Variants in CSMD1 observed in about 807,000 individuals in gnomAD.
CSMD1 encodes CUB and Sushi multiple domains 1.
CSMD1 carries 213 observed loss-of-function variants against 417.5 expected under a neutral mutation model. That is an observed-to-expected ratio of 0.51 (90% confidence interval 0.46 to 0.57). CSMD1 has a LOEUF of 0.57. Among genes scored for constraint, CSMD1 ranks in the 20% least tolerant of loss-of-function variants. The probability of loss-of-function intolerance (pLI) is 0.00; values close to 1 mark genes in which losing one functional copy is unlikely to be tolerated. For synonymous variants in CSMD1, 2,862 were observed against 1,736.8 expected (o/e 1.65, Z -16.11); for missense variants, 6,923 against 4,529.7 (o/e 1.53, Z -15.17).
intron 5 of CSMD1, among the ~76,000 whole-genome samples, chr8:3,946,390 G>A (rs566603478): frequency 2.0e-4 from 31 of 152,090 alleles, no homozygotes; most frequent in Middle Eastern, 3.4e-3. Flanking sequence ...GGATTTTCTC[G>A]TCTATACCAT....
intron 5 of CSMD1, among the ~76,000 whole-genome samples, chr8:3,854,360 T>C (rs1804143187): frequency 6.6e-6 from 1 of 152,014 alleles, no homozygotes; most frequent in Non-Finnish European, 1.5e-5. Context: ...CTTTTCCTTT[T>C]GATTTTAAGA....
intron 63 of CSMD1, 23 bp downstream of exon 63, chr8:2,957,673 G>C (rs1171138635): frequency 4.3e-6 from 6 of 1,387,318 alleles, no homozygotes; most frequent in African/African-American, 1.4e-5. Flanking sequence ...ACTTGTGATG[G>C]GGGTGGAAGA....
At chr8:4,007,934 G>A (rs553149018) in intron 4 of CSMD1, among the ~76,000 whole-genome samples, 19 of 152,242 alleles carry the variant, frequency 1.2e-4, no homozygotes, top group Non-Finnish European at 2.1e-4. Context: ...ACTGCCTCAA[G>A]AACTCTTAAT....
chr8:3,873,499 A>G (rs1277456088), intron 5 of CSMD1, among the ~76,000 whole-genome samples: 1 of 152,160 alleles, frequency 6.6e-6, no homozygotes, highest in East Asian at 1.9e-4. Flanking sequence ...TGGAAGGTGA[A>G]TAATAAGAAC....
At chr8:3,179,048 C>G (rs559091373) in intron 37 of CSMD1, among the ~76,000 whole-genome samples, 1 of 151,190 alleles carries the variant, frequency 6.6e-6, no homozygotes, top group African/African-American at 2.4e-5. Context: ...CCCGGGTTCA[C>G]GCCATTCTCC....
chr8:4,819,723 C>G (rs892960556), intron 1 of CSMD1, among the ~76,000 whole-genome samples: 9 of 152,046 alleles, frequency 5.9e-5, no homozygotes, highest in Non-Finnish European at 1.2e-4. Flanking sequence ...ACAGATAAAA[C>G]CATTGAACGG....
chr8:2,966,724 G>T lies in CSMD1; in HGVS notation c.8946C>A (p.Gly2982=), dbSNP rs115991247. 6.2e-7 allele frequency: 1 copy of T among 1,613,426 alleles called. No individual in the cohort carries two copies. Among genetic ancestry groups the T allele is most frequent in the East Asian group, 2.2e-5 (1 of 44,830 alleles). The part of the protein sequence containing the change: ...VCEAVSCGNP[G]TPTNGMIVSS... ...TGACAATCATTCCGTTGGTGGGTGT[G>T]CCAGGGTTGCCACAGGACACGGCTG... The change falls in exon 58 of 70, where the codon GGC becomes GGA. Residue 2982 remains glycine, a synonymous_variant. Transcript: ENST00000635120.
intron 8 of CSMD1, among the ~76,000 whole-genome samples, chr8:3,595,416 A>G (rs548573174): frequency 6.6e-6 from 1 of 152,262 alleles, no homozygotes; most frequent in Admixed American, 6.5e-5. Flanking sequence ...TCATAGCGGC[A>G]ATTTTTAGAC....
At chr8:3,805,939 G>T (rs900277757) in intron 5 of CSMD1, among the ~76,000 whole-genome samples, 1 of 152,128 alleles carries the variant, frequency 6.6e-6, no homozygotes, top group Non-Finnish European at 1.5e-5. Flanking sequence ...TGACACACCT[G>T]CTCTTGAAAG....
intron 47 of CSMD1, among the ~76,000 whole-genome samples, chr8:3,096,179 A>C (rs1016480324): frequency 6.6e-6 from 1 of 152,224 alleles, no homozygotes; most frequent in Non-Finnish European, 1.5e-5. Flanking sequence ...ATGGTTAAAG[A>C]AAATTTGGTA....
At chr8:4,849,839 C>T (rs1173736800) in intron 1 of CSMD1, among the ~76,000 whole-genome samples, 1 of 152,176 alleles carries the variant, frequency 6.6e-6, no homozygotes, top group African/African-American at 2.4e-5. Context: ...AATATTTCCT[C>T]ATTGTTATGT....
At chr8:4,153,272 G>C (rs549608697) in intron 3 of CSMD1, among the ~76,000 whole-genome samples, 1 of 152,194 alleles carries the variant, frequency 6.6e-6, no homozygotes. Flanking sequence ...TATAAAGACA[G>C]AGTGTCCAAG....
chr8:4,713,462 C>A (rs770892982), intron 1 of CSMD1, among the ~76,000 whole-genome samples: 5 of 152,038 alleles, frequency 3.3e-5, no homozygotes, highest in African/African-American at 1.2e-4. Flanking sequence ...AGTGCAGTGG[C>A]GCGATACCGG....
intron 4 of CSMD1, among the ~76,000 whole-genome samples, chr8:4,004,864 C>T (rs1390206267): frequency 6.6e-6 from 1 of 152,224 alleles, no homozygotes; most frequent in East Asian, 1.9e-4. Flanking sequence ...CCTGCCTCAG[C>T]CTCCCGAGTA....
intron 5 of CSMD1, among the ~76,000 whole-genome samples, chr8:3,960,897 C>A (rs1001339990): frequency 1.3e-5 from 2 of 151,898 alleles, no homozygotes; most frequent in Non-Finnish European, 2.9e-5. Context: ...GCTCATATCA[C>A]AAAAGTCCTC....
At chr8:4,389,987 A>G (rs914063607) in intron 3 of CSMD1, among the ~76,000 whole-genome samples, 11 of 152,184 alleles carry the variant, frequency 7.2e-5, no homozygotes, top group South Asian at 2.1e-4. Flanking sequence ...TCATTTAGGA[A>G]TATTTTTTAA....
intron 3 of CSMD1, among the ~76,000 whole-genome samples, chr8:4,087,487 G>A (rs777322727): frequency 8.5e-5 from 13 of 152,144 alleles, no homozygotes; most frequent in Non-Finnish European, 1.6e-4. Context: ...CAAACCACCT[G>A]TAATGAAACC....
At chr8:3,600,090 A>G (rs894384444) in intron 8 of CSMD1, among the ~76,000 whole-genome samples, 1 of 152,180 alleles carries the variant, frequency 6.6e-6, no homozygotes, top group African/African-American at 2.4e-5. Context: ...ACTTAAGAAA[A>G]GTCTAGCAGG....
intron 1 of CSMD1, among the ~76,000 whole-genome samples, chr8:4,746,409 A>T (rs1810955086): frequency 6.6e-6 from 1 of 152,190 alleles, no homozygotes; most frequent in South Asian, 2.1e-4. Context: ...TTTAAGGCAA[A>T]TGCAGCATTT....
Sources: allele counts gnomAD v4.1 joint callset (sites outside exome capture counted in the v4.1 genomes callset), GRCh38; gene constraint gnomAD v4.1.1; transcripts MANE v1.5; gene names NCBI Gene and HGNC (gene_info 2026-07-23, HGNC 2026-07-21).